Variants in BTAF1 observed in about 807,000 individuals in gnomAD.
BTAF1 encodes the protein TATA-binding protein-associated factor 172.
A neutral mutation model predicts 227.1 loss-of-function variants in BTAF1; 38 were observed. That is an observed-to-expected ratio of 0.17 (90% CI 0.13 to 0.22). The LOEUF (loss-of-function observed/expected upper bound fraction) is 0.22. BTAF1 is among the 10% of genes least tolerant of loss of function. The probability of loss-of-function intolerance (pLI) is 1.00; values close to 1 mark genes in which losing one functional copy is unlikely to be tolerated. For missense variants in BTAF1, 1,598 were observed against 2,204.0 expected, an observed-to-expected ratio of 0.73 and a Z score of 5.51; for synonymous variants, 742 against 751.9, an observed-to-expected ratio of 0.99 and a Z score of 0.21.
chr10:91,982,374 C>T (rs1315586054), intron 17 of BTAF1, 149 bp downstream of exon 17: 2 of 1,108,592 alleles, frequency 1.8e-6, no homozygotes, highest in Non-Finnish European at 2.5e-6. Flanking sequence ...TTAGAGTAAG[C>T]AAATACTTCT....
intron 20 of BTAF1, 136 bp from the exon 21 acceptor site, chr10:91,991,983 A>G (rs1210167445): frequency 3.3e-6 from 2 of 612,032 alleles, no homozygotes; most frequent in Admixed American, 3.4e-5. Flanking sequence ...TTCATTGTCT[A>G]AGGAAAATGT....
At chr10:91,929,346 T>A (rs1380483243) in intron 1 of BTAF1, among the ~76,000 whole-genome samples, 1 of 152,196 alleles carries the variant, frequency 6.6e-6, no homozygotes, top group Non-Finnish European at 1.5e-5. Flanking sequence ...ATGTCTAAAA[T>A]GTCTAGACAG....
intron 23 of BTAF1, among the ~76,000 whole-genome samples, 155 bp from the exon 24 acceptor site, chr10:91,996,214 A>C (rs1307693266): frequency 6.6e-6 from 1 of 152,070 alleles, no homozygotes; most frequent in African/African-American, 2.4e-5. Context: ...TTAGTTTTCT[A>C]TTGAGAATGT....
chr10:91,997,497 A>T, intron 24 of BTAF1, 106 bp from the exon 25 acceptor site: 1 of 964,930 alleles, frequency 1.0e-6, no homozygotes, highest in Non-Finnish European at 1.5e-6. Context: ...CATAATACAG[A>T]TGAGAAAATG....
intron 22 of BTAF1, 34 bp downstream of exon 22, chr10:91,993,881 C>A (rs777289396): frequency 4.0e-6 from 6 of 1,504,154 alleles, no homozygotes; most frequent in Admixed American, 1.9e-5. Context: ...CAGTTTTTAA[C>A]AAATTTTAAT....
intron 2 of BTAF1, among the ~76,000 whole-genome samples, 153 bp from the exon 3 acceptor site, chr10:91,939,799 G>A (rs1844871991): frequency 1.3e-5 from 2 of 152,170 alleles, no homozygotes; most frequent in African/African-American, 2.4e-5. Flanking sequence ...ATAGAATCTT[G>A]TAAATGAATT....
At position 91,989,208 on chromosome 10, in the gene BTAF1, T is replaced by C; in HGVS notation, c.2482T>C (p.Leu828=). ...TSSFDLNPQV[L]QQLDSKRQQV... ...ATCTTTCGATTTAAATCCTCAAGTGTTACAACAGTTAGATAGTAAACGACA... is the reference window on the plus strand; with the variant it reads ...ATCTTTCGATTTAAATCCTCAAGTGCTACAACAGTTAGATAGTAAACGACA... Residue 828 remains leucine (L), a synonymous_variant, in exon 20 of 38, where the codon TTA becomes CTA. Coordinates refer to ENST00000265990, the MANE Select transcript of BTAF1 (RefSeq NM_003972.3). The C allele has an allele frequency of 6.2e-7, 1 of 1,614,128 alleles. No homozygotes were observed. Among genetic ancestry groups the C allele is most frequent in the Non-Finnish European group, 8.5e-7 (1 of 1,180,008 alleles).
In BTAF1 at chr10:91,996,511, C is replaced by T. The variant is rs949180383; in HGVS notation, c.3452C>T (p.Pro1151Leu). ...AATATTTTTTTGGAGAAGGTTCTTCCGTGGCTGGGAGCAATTGATGACAGT... is the reference window on the plus strand; with the variant it reads ...AATATTTTTTTGGAGAAGGTTCTTCTGTGGCTGGGAGCAATTGATGACAGT... ...TMNIFLEKVLPWLGAIDDSVK... is the reference protein window; with the variant it reads ...TMNIFLEKVLLWLGAIDDSVK... Residue 1151 changes from proline to leucine, a missense_variant, in exon 24 of 38, where the codon CCG becomes CTG. Physicochemically the swap from Pro to Leu is moderately conservative, Grantham distance 98 (BLOSUM62 -3). Coordinates refer to ENST00000265990, the MANE Select transcript of BTAF1 (RefSeq NM_003972.3). 1.2e-5 allele frequency: 19 copies of T among 1,613,932 alleles called. No individual in the cohort carries two copies. Among genetic ancestry groups the T allele is most frequent in the African/African-American group, 5.3e-5 (4 of 74,872 alleles).
chr10:91,966,649 A>G lies in BTAF1; in HGVS notation c.1542A>G (p.Ser514=), dbSNP rs1422572542. ...PQVQQCSIQQ[S]LTVLVPRVWP... is the part of the protein sequence containing the mutation. ...TCTTCTTTATTAGTATTCAGCAGTC[A>G]CTGACAGTTTTAGTTCCACGTGTCT... Residue 514 remains serine, a synonymous_variant, in exon 14 of 38, where the codon TCA becomes TCG. Transcript: ENST00000265990. 6.8e-6 allele frequency: 11 copies of G among 1,613,540 alleles called. No homozygotes were observed. The highest frequency in any genetic ancestry group is 9.3e-6 in the Non-Finnish European group (11 of 1,179,804).
intron 4 of BTAF1, among the ~76,000 whole-genome samples, chr10:91,948,057 G>C (rs914654595): frequency 4.6e-5 from 7 of 151,584 alleles, no homozygotes; most frequent in African/African-American, 1.7e-4. Context: ...TGTGCACAAC[G>C]TGCAGGTTTG....
Position 91,974,863 on chromosome 10 carries a change from A to G in BTAF1, c.1651-5591A>G, listed in dbSNP as rs191923997. ...AGTGAAACTCCGTCTCAAAAACAAA[A>G]AACAACTAGTTTTATTTCATAATGA... On this transcript the variant is annotated intron_variant, in intron 14 of 37. Coordinates refer to ENST00000265990, the MANE Select transcript of BTAF1 (RefSeq NM_003972.3). Among the ~76,000 whole-genome samples, 12 of 152,192 alleles carry G rather than the reference A, an allele frequency of 7.9e-5. No individual in the cohort carries two copies. In the South Asian group the frequency reaches 8.3e-4, roughly 10 times the overall value.
At chr10:92,020,832 G>A (rs964381750) in intron 34 of BTAF1, among the ~76,000 whole-genome samples, 1 of 152,068 alleles carries the variant, frequency 6.6e-6, no homozygotes, top group Admixed American at 6.5e-5. Flanking sequence ...AATAAAAATT[G>A]AATTTCATCC....
At chr10:91,953,459 C>G (rs926595475) in intron 5 of BTAF1, among the ~76,000 whole-genome samples, 2 of 151,874 alleles carry the variant, frequency 1.3e-5, no homozygotes, top group African/African-American at 4.8e-5. Context: ...AAGGCCTTCT[C>G]TATGGGTTAG....
At chr10:91,933,592 G>A (rs1057102076) in intron 1 of BTAF1, among the ~76,000 whole-genome samples, 1 of 152,148 alleles carries the variant, frequency 6.6e-6, no homozygotes. Context: ...GGTGCTTGCT[G>A]GTCGCAGCTG....
chr10:91,982,765 A>G lies in BTAF1; in HGVS notation c.2223+4A>G, dbSNP rs1848157486. On this transcript the variant is annotated splice_donor_region_variant and intron_variant, in intron 18 of 37. Coordinates refer to ENST00000265990, the MANE Select transcript of BTAF1 (RefSeq NM_003972.3). Reference sequence around the variant, plus strand: ...TGAATGGGCTGCTTTACAAAAGGTAAGATTTTGCCCCAAAAGTAATAAAGA... The same window carrying G: ...TGAATGGGCTGCTTTACAAAAGGTAGGATTTTGCCCCAAAAGTAATAAAGA... The G allele has an allele frequency of 1.9e-6, 3 of 1,595,786 alleles. No homozygotes were observed. The highest frequency in any genetic ancestry group is 2.6e-6 in the Non-Finnish European group (3 of 1,170,200).
chr10:92,024,933 A>G lies in BTAF1; in HGVS notation c.5041A>G (p.Ile1681Val). The part of the protein sequence containing the change: ...SVTYLRLDGS[I>V]PPGQRHSIVS... ...CACTTATTTGAGATTAGATGGCAGC[A>G]TACCTCCTGGTCAGAGGCATTCCAT... Residue 1681 changes from isoleucine (I) to valine (V), a missense_variant, in exon 35 of 38, where the codon ATA (isoleucine) becomes GTA (valine). Coordinates refer to ENST00000265990, the MANE Select transcript of BTAF1 (RefSeq NM_003972.3). 1.2e-6 allele frequency: 2 copies of G among 1,614,098 alleles called. No individual in the cohort carries two copies. The highest frequency in any genetic ancestry group is 2.2e-5 in the East Asian group (1 of 44,876).
intron 25 of BTAF1, among the ~76,000 whole-genome samples, chr10:92,005,640 C>T (rs1431504899): frequency 2.6e-5 from 4 of 151,952 alleles, no homozygotes; most frequent in Non-Finnish European, 4.4e-5. Context: ...GACCTTGTTA[C>T]ACTCTTAAAA....
rs1392750914 is a variant in BTAF1 at position 92,024,979 on chromosome 10, C to T, written c.5075+12C>T. On this transcript the variant is annotated intron_variant, in intron 35 of 37. Coordinates refer to ENST00000265990, the MANE Select transcript of BTAF1 (RefSeq NM_003972.3). ...TCCATTGTTTCCCGGTAAGTGGCTTCTAAGACTCTTATTCATAAATAAATA... is the reference window on the plus strand; with the variant it reads ...TCCATTGTTTCCCGGTAAGTGGCTTTTAAGACTCTTATTCATAAATAAATA... The T allele has an allele frequency of 6.2e-7, 1 of 1,601,756 alleles. No homozygotes were observed. The highest frequency in any genetic ancestry group is 2.2e-5 in the East Asian group (1 of 44,802).
intron 21 of BTAF1, 46 bp from the exon 22 acceptor site, chr10:91,993,648 A>T (rs969865493): frequency 1.5e-6 from 2 of 1,337,136 alleles, no homozygotes; most frequent in South Asian, 2.2e-5. Context: ...TAAATGTATT[A>T]TGATTTTTTC....
Sources: gnomAD v4.1 joint callset for allele counts (sites outside exome capture counted in the v4.1 genomes callset) on GRCh38, gnomAD v4.1.1 for gene constraint, MANE v1.5 for transcripts, NCBI Gene and HGNC (gene_info 2026-07-23, HGNC 2026-07-21) for gene names.